The following DNAH5 variants were observed in gnomAD, a reference collection of about 807,000 sequenced individuals.
DNAH5 encodes the protein dynein axonemal heavy chain 5.
DNAH5 carries 372 observed loss-of-function variants against 518.2 expected under a neutral mutation model. The ratio of observed to expected loss-of-function variants is 0.72; its 90% CI spans 0.66 to 0.78. The LOEUF is 0.78. Ranked by LOEUF, DNAH5 falls within the 30% of genes least tolerant of loss-of-function variation. DNAH5 has a pLI of 0.00. For synonymous variants in DNAH5, 2,039 were observed against 2,025.9 expected (o/e 1.01, Z -0.17); for missense variants, 5,523 against 5,687.0 (o/e 0.97, Z 0.93).
Position 13,925,971 on chromosome 5 carries a change from A to C in DNAH5, c.277+2123T>G, listed in dbSNP as rs192923804. On this transcript the variant is annotated intron_variant, in intron 3 of 78. Transcript: ENST00000265104. ...AACAAGGTCTTCAACCCAACCACCT[A>C]AAGAGCTTGATTTATGTCTCCTGGA... Among the ~76,000 whole-genome samples, 9 of 152,288 alleles carry C rather than the reference A, an allele frequency of 5.9e-5. No homozygotes were observed. The East Asian group carries it at 1.7e-3, about 29-fold the overall frequency.
chr5:13,750,519 A>G (rs1561170867), intron 65 of DNAH5, among the ~76,000 whole-genome samples: 1 of 152,232 alleles, frequency 6.6e-6, no homozygotes, highest in Non-Finnish European at 1.5e-5. Flanking sequence ...GTAGCCTTCA[A>G]AAGTTACAGA....
In DNAH5 at chr5:13,894,833, T is replaced by C. The variant is rs184701603; in HGVS notation, c.2260-12A>G. The C allele has an allele frequency of 3.1e-6, 5 of 1,612,272 alleles. No homozygotes were observed. In the African/African-American group the frequency reaches 4.0e-5, roughly 13 times the overall value. On this transcript the variant is annotated splice_polypyrimidine_tract_variant and intron_variant, in intron 15 of 78. Coordinates refer to ENST00000265104, the MANE Select transcript of DNAH5 (RefSeq NM_001369.3). Reference sequence around the variant, plus strand: ...TCAGCTAGCATCATCTGCAATGAAATTGGGGTTAAGTAATCAATTAATATC... The same window carrying C: ...TCAGCTAGCATCATCTGCAATGAAACTGGGGTTAAGTAATCAATTAATATC...
At chr5:13,965,521 T>A (rs1161236456) in intron 1 of DNAH5, among the ~76,000 whole-genome samples, 1 of 152,186 alleles carries the variant, frequency 6.6e-6, no homozygotes, top group East Asian at 1.9e-4. Context: ...GTTTCACATA[T>A]CATCCCAAAA....
Position 13,701,370 on chromosome 5 carries a change from T to C in DNAH5, c.13405A>G (p.Thr4469Ala). 1.2e-6 allele frequency: 2 copies of C among 1,614,080 alleles called. No individual in the cohort carries two copies. Among genetic ancestry groups the C allele is most frequent in the Non-Finnish European group, 8.5e-7 (1 of 1,179,988 alleles). The change falls in exon 77 of 79, where the codon ACC (threonine) becomes GCC (alanine). Residue 4469 changes from threonine (T) to alanine (A), a missense_variant. Thr to Ala is a moderately conservative substitution (Grantham distance 58). Transcript: ENST00000265104. ...GGTCGGCCATTGAAAACCCACGAGG[T>C]AAACTGGCTGTTTCTTTCTATAAGT... ...TELIERNSQF[T>A]SWVFNGRPHC...
chr5:13,972,609 C>T (rs1360415919), intron 1 of DNAH5, among the ~76,000 whole-genome samples: 1 of 152,226 alleles, frequency 6.6e-6, no homozygotes, highest in Non-Finnish European at 1.5e-5. Flanking sequence ...TCTGGACCTT[C>T]AGGTTCCGCA....
chr5:13,842,465 AAGAAAGAAAGAAAG>A lies in DNAH5; in HGVS notation c.5272-575_5272-562del, dbSNP rs1561407625. 2.6e-5 allele frequency among the ~76,000 whole-genome samples: 3 copies of A among 114,680 alleles called. 1 individual carries two copies. The highest frequency in any genetic ancestry group is 1.1e-4 in the African/African-American group (3 of 27,426). 75.2% of individuals were successfully genotyped at this position (114,680 alleles called of 152,430 possible). On this transcript the variant is annotated intron_variant, in intron 32 of 78. Transcript: ENST00000265104. ...AAAGAAAGAAAGAAAGAAAGAAAGAAAGAAAGAAAGAAAGAAAGAGAAAGAAAAGAAAGAAAGAA... is the reference window on the plus strand; with the variant it reads ...AAAGAAAGAAAGAAAGAAAGAAAGAAAAAGAGAAAGAAAAGAAAGAAAGAA...
At chr5:13,993,304 T>C (rs1161359658) in intron 1 of DNAH5, among the ~76,000 whole-genome samples, 1 of 152,218 alleles carries the variant, frequency 6.6e-6, no homozygotes. Context: ...TTTATCACTG[T>C]CTCTAAATTT....
At position 13,776,431 on chromosome 5, in the gene DNAH5, A is replaced by T. The variant is rs573584736; in HGVS notation, c.9373+8T>A. On this transcript the variant is annotated splice_region_variant and intron_variant, in intron 55 of 78. Transcript: ENST00000265104. ...GTTATGCCCTGGCATAAACATTTCCATACTAACCAGCAACTAAAGCATCTT... is the reference window on the plus strand; with the variant it reads ...GTTATGCCCTGGCATAAACATTTCCTTACTAACCAGCAACTAAAGCATCTT... The T allele has an allele frequency of 6.2e-7, 1 of 1,613,710 alleles. No individual in the cohort carries two copies. Among genetic ancestry groups the T allele is most frequent in the East Asian group, 2.2e-5 (1 of 44,880 alleles).
At chr5:13,798,741 TTTA>T (rs1561288687) in intron 47 of DNAH5, among the ~76,000 whole-genome samples, 31 of 23,914 alleles carry the variant, frequency 1.3e-3, no homozygotes, top group African/African-American at 6.3e-3. Context: ...TTTTATTTAT[TTTA>T]TTTATTTATT....
In DNAH5 at chr5:13,833,222, C is replaced by T. The variant is rs149000070; in HGVS notation, c.5883-2447G>A. 5.4e-3 allele frequency among the ~76,000 whole-genome samples: 812 copies of T among 151,772 alleles called. 13 individuals are homozygous for T. Among genetic ancestry groups the T allele is most frequent in the South Asian group, 0.033 (156 of 4,800 alleles). On this transcript the variant is annotated intron_variant, in intron 35 of 78. Transcript: ENST00000265104. ...TTGGGAGGCCGAGGCGGATGGATCA[C>T]GAGGTCAGGAGTTCAAGACCAGCCT...
intron 78 of DNAH5, among the ~76,000 whole-genome samples, chr5:13,693,495 T>C (rs1204065279): frequency 6.6e-6 from 1 of 152,238 alleles, no homozygotes; most frequent in Non-Finnish European, 1.5e-5. Context: ...AATACAATAA[T>C]GTTACACATA....
At chr5:13,792,739 T>C (rs954305403) in intron 49 of DNAH5, among the ~76,000 whole-genome samples, 3 of 152,214 alleles carry the variant, frequency 2.0e-5, no homozygotes, top group African/African-American at 7.2e-5. Context: ...CAGACCTTGC[T>C]CACTGCTGTG....
At chr5:13,951,208 GTTTTTTTTTTT>G (rs869082404) in intron 1 of DNAH5, among the ~76,000 whole-genome samples, 1 of 66,600 alleles carries the variant, frequency 1.5e-5, no homozygotes, top group Non-Finnish European at 2.5e-5. Flanking sequence ...TGTTTTTTTC[GTTTTTTTTTTT>G]TTTTTTTTTT....
At chr5:13,792,934 C>T (rs904265846) in intron 49 of DNAH5, among the ~76,000 whole-genome samples, 1 of 152,218 alleles carries the variant, frequency 6.6e-6, no homozygotes, top group African/African-American at 2.4e-5. Flanking sequence ...AAATAAGTCA[C>T]AAGTGCATAA....
At chr5:13,922,727 C>CA (rs35310788) in intron 4 of DNAH5, among the ~76,000 whole-genome samples, 956 of 94,306 alleles carry the variant, frequency 0.01, 5 homozygotes, top group Non-Finnish European at 0.015. Flanking sequence ...GACCCTGTCT[C>CA]AAAAAAAAAA....
intron 46 of DNAH5, 64 bp from the exon 47 acceptor site, chr5:13,807,789 C>G: frequency 7.0e-7 from 1 of 1,421,762 alleles, no homozygotes; most frequent in Non-Finnish European, 9.7e-7. Context: ...CTGAATTTGT[C>G]CCCCCAAAAT....
chr5:13,740,604 T>A (rs1748353274), intron 65 of DNAH5, among the ~76,000 whole-genome samples: 1 of 152,226 alleles, frequency 6.6e-6, no homozygotes, highest in Admixed American at 6.5e-5. Context: ...TTTGCACTTC[T>A]AATCCCATGT....
intron 38 of DNAH5, among the ~76,000 whole-genome samples, chr5:13,825,557 A>G (rs1331588338): frequency 3.3e-5 from 5 of 152,220 alleles, no homozygotes; most frequent in African/African-American, 1.2e-4. Context: ...GTCACATGCT[A>G]AAACATGAAT....
intron 1 of DNAH5, among the ~76,000 whole-genome samples, chr5:14,005,809 G>T (rs1042458064): frequency 6.6e-6 from 1 of 152,248 alleles, no homozygotes; most frequent in African/African-American, 2.4e-5. Flanking sequence ...GGAAAAGGCT[G>T]AGAATGAGTC....
Sources: allele counts gnomAD v4.1 joint callset (sites outside exome capture counted in the v4.1 genomes callset), GRCh38; gene constraint gnomAD v4.1.1; transcripts MANE v1.5; gene names NCBI Gene and HGNC (gene_info 2026-07-23, HGNC 2026-07-21).